MYO5B: variants seen among roughly 807,000 people sequenced by gnomAD.
The protein encoded by MYO5B is myosin VB.
MYO5B carries 143 observed loss-of-function variants against 229.3 expected under a neutral mutation model. The ratio of observed to expected loss-of-function variants is 0.62; its 90% confidence interval spans 0.54 to 0.72. The LOEUF is 0.72. MYO5B is among the 30% of genes least tolerant of loss of function. The pLI is 0.00. For synonymous variants in MYO5B, 918 were observed against 885.2 expected (o/e 1.04, Z -0.66); for missense variants, 2,321 against 2,331.0 (o/e 1.00, Z 0.09).
intron 10 of MYO5B, 113 bp downstream of exon 10, chr18:49,974,237 C>T (rs1276133489): frequency 1.3e-5 from 19 of 1,499,618 alleles, no homozygotes; most frequent in Non-Finnish European, 1.6e-5. Context: ...ACATTTTAAA[C>T]TGCCCTAAGT....
intron 2 of MYO5B, 87 bp from the exon 3 acceptor site, chr18:50,040,401 C>T: frequency 8.1e-7 from 1 of 1,240,838 alleles, no homozygotes; most frequent in South Asian, 1.2e-5. Flanking sequence ...GCTGGAATCA[C>T]CATCTTAACA....
chr18:49,980,708 T>C (rs2025805054), intron 8 of MYO5B, among the ~76,000 whole-genome samples, 155 bp from the exon 9 acceptor site: 1 of 152,020 alleles, frequency 6.6e-6, no homozygotes, highest in Non-Finnish European at 1.5e-5. Flanking sequence ...CACCAAGTAA[T>C]TACCACTCAC....
Position 49,843,543 on chromosome 18 carries a change from C to G in MYO5B, c.4460-151G>C, listed in dbSNP as rs2024088733. On this transcript the variant is annotated intron_variant, in intron 33 of 39. Coordinates refer to ENST00000285039, the MANE Select transcript of MYO5B (RefSeq NM_001080467.3). ...CAAAGAGGATTGGGAGAGAAGCCACCCAGGGTACCCAAACTCCCGAGCATG... is the reference window on the plus strand; with the variant it reads ...CAAAGAGGATTGGGAGAGAAGCCACGCAGGGTACCCAAACTCCCGAGCATG... 3 of 948,988 alleles carry G rather than the reference C, an allele frequency of 3.2e-6. No homozygotes were observed. The South Asian group carries it at 4.4e-5, about 14-fold the overall frequency. 58.8% of individuals were successfully genotyped at this position (948,988 alleles called of 1,614,324 possible).
intron 17 of MYO5B, among the ~76,000 whole-genome samples, chr18:49,918,130 C>T (rs867544909): frequency 6.6e-6 from 1 of 152,218 alleles, no homozygotes; most frequent in Non-Finnish European, 1.5e-5. Flanking sequence ...TGTTGTTTGG[C>T]TAACGGAGGT....
At chr18:50,051,286 G>A (rs752727721) in intron 2 of MYO5B, among the ~76,000 whole-genome samples, 1 of 152,214 alleles carries the variant, frequency 6.6e-6, no homozygotes, top group African/African-American at 2.4e-5. Context: ...AGACGGTAGA[G>A]TGTGTTACTC....
intron 5 of MYO5B, among the ~76,000 whole-genome samples, chr18:49,992,759 G>A (rs144547997): frequency 1.1e-4 from 17 of 152,230 alleles, no homozygotes; most frequent in African/African-American, 4.1e-4. Flanking sequence ...GATGGTACCA[G>A]CTATAGCAGT....
rs577106140 is a variant in MYO5B at position 49,851,398 on chromosome 18, T to C, written c.4222-1738A>G. On this transcript the variant is annotated intron_variant, in intron 31 of 39. Coordinates refer to ENST00000285039, the MANE Select transcript of MYO5B (RefSeq NM_001080467.3). ...TGCTAAGGGGAATTATATAGAGCTA[T>C]GCTTCCCAAACTTTGTAGGGGTATT... Among the ~76,000 whole-genome samples, 3 of 152,354 alleles carry C rather than the reference T, an allele frequency of 2.0e-5. No homozygotes were observed. In the South Asian group the frequency reaches 6.2e-4, roughly 32 times the overall value.
chr18:49,924,221 T>C (rs1281270131), intron 17 of MYO5B, among the ~76,000 whole-genome samples: 4 of 152,222 alleles, frequency 2.6e-5, no homozygotes, highest in African/African-American at 4.8e-5. Context: ...TCTACCCAGA[T>C]AGTTACACCC....
chr18:50,038,320 T>A (rs2029900554), intron 3 of MYO5B, among the ~76,000 whole-genome samples: 1 of 152,184 alleles, frequency 6.6e-6, no homozygotes. Context: ...TGTTCCCTTC[T>A]GGTGTCTGAA....
chr18:49,894,479 G>T (rs866320739), intron 22 of MYO5B, among the ~76,000 whole-genome samples: 4 of 152,120 alleles, frequency 2.6e-5, no homozygotes, highest in Non-Finnish European at 5.9e-5. Context: ...CACCAGGGTG[G>T]GTGTGACAGG....
chr18:50,167,441 C>T lies in MYO5B; in HGVS notation c.27+27326G>A, dbSNP rs182910924. On this transcript the variant is annotated intron_variant, in intron 1 of 39. Transcript: ENST00000285039. ...GTTTCTATTCATCCCCACTCCATTC[C>T]ACATTCTGATCCATATTATGCAACC... Among the ~76,000 whole-genome samples the T allele has an allele frequency of 4.3e-3, 652 of 152,322 alleles. 3 individuals are homozygous for T. The highest frequency in any genetic ancestry group is 0.014 in the African/African-American group (596 of 41,576).
chr18:50,081,588 G>A (rs569677778), intron 1 of MYO5B, among the ~76,000 whole-genome samples: 1 of 152,296 alleles, frequency 6.6e-6, no homozygotes, highest in Admixed American at 6.5e-5. Flanking sequence ...GCCATACTTT[G>A]GGGCTGATTT....
chr18:50,063,215 C>T (rs953198630), intron 1 of MYO5B, among the ~76,000 whole-genome samples: 7 of 152,138 alleles, frequency 4.6e-5, no homozygotes, highest in East Asian at 1.9e-4. Flanking sequence ...CCTCCCCCAG[C>T]GGCGAGCCAT....
intron 1 of MYO5B, among the ~76,000 whole-genome samples, chr18:50,074,945 C>T (rs1450680033): frequency 1.1e-4 from 16 of 151,870 alleles, no homozygotes; most frequent in Admixed American, 2.6e-4. Flanking sequence ...CTCAGCCTCC[C>T]GAGTATCTGG....
chr18:49,889,788 C>T (rs980038395), intron 22 of MYO5B, among the ~76,000 whole-genome samples: 1 of 152,196 alleles, frequency 6.6e-6, no homozygotes, highest in African/African-American at 2.4e-5. Context: ...ATGAATGCCA[C>T]CTAAGAACAT....
At chr18:49,938,594 C>T (rs116514755) in intron 14 of MYO5B, among the ~76,000 whole-genome samples, 12 of 152,156 alleles carry the variant, frequency 7.9e-5, no homozygotes, top group African/African-American at 2.9e-4. Flanking sequence ...TTCCTTTAAC[C>T]CCCACTTAAG....
intron 17 of MYO5B, among the ~76,000 whole-genome samples, chr18:49,929,217 G>C (rs1399014766): frequency 6.6e-6 from 1 of 152,166 alleles, no homozygotes; most frequent in African/African-American, 2.4e-5. Context: ...TTGAGAGAAG[G>C]GGAAATCCTC....
intron 1 of MYO5B, among the ~76,000 whole-genome samples, chr18:50,116,551 C>A (rs913573857): frequency 1.3e-5 from 2 of 152,136 alleles, no homozygotes; most frequent in Non-Finnish European, 2.9e-5. Context: ...AAACCTGCTG[C>A]ATCTCTTGAG....
In MYO5B at chr18:50,102,788, A is replaced by C. The variant is rs555916399; in HGVS notation, c.28-47410T>G. On this transcript the variant is annotated intron_variant, in intron 1 of 39. Transcript: ENST00000285039. ...CACATTAAAATACTAGCCTGTCCCA[A>C]AACCCCCCAGGCCAAAGAATTAGAT... is the stretch of plus-strand genomic sequence containing the variant. Among the ~76,000 whole-genome samples, 27 of 152,054 alleles carry C rather than the reference A, an allele frequency of 1.8e-4. No individual in the cohort carries two copies. The South Asian group carries it at 5.6e-3, about 32-fold the overall frequency.
Sources: allele counts gnomAD v4.1 joint callset (sites outside exome capture counted in the v4.1 genomes callset), GRCh38; gene constraint gnomAD v4.1.1; transcripts MANE v1.5; gene names NCBI Gene and HGNC (gene_info 2026-07-23, HGNC 2026-07-21).